The following LARP4B variants were observed in gnomAD, a reference collection of about 807,000 sequenced individuals.
LARP4B encodes the protein la-related protein 4B.
A neutral mutation model predicts 89.8 loss-of-function variants in LARP4B; 12 were observed. That is an observed-to-expected ratio of 0.13 (90% CI 0.09 to 0.22). The LOEUF (loss-of-function observed/expected upper bound fraction) is 0.22, where lower values mean the gene tolerates loss of function less well. Among genes scored for constraint, LARP4B ranks in the 10% least tolerant of loss-of-function variants. The pLI is 1.00. For synonymous variants in LARP4B, 367 were observed against 363.3 expected (o/e 1.01, Z -0.12); for missense variants, 757 against 947.7 (o/e 0.80, Z 2.64).
chr10:842,881 G>C (rs753693261), intron 7 of LARP4B, 51 bp downstream of exon 7: 1 of 1,545,468 alleles, frequency 6.5e-7, no homozygotes, highest in Non-Finnish European at 8.9e-7. Context: ...ATGCTGATAA[G>C]ACAAATACTC....
Position 873,119 on chromosome 10 carries a change from A to G in LARP4B, c.142-8849T>C, listed in dbSNP as rs150341735. The G allele has an allele frequency of 5.1e-6, 5 of 985,408 alleles. No homozygotes were observed. The African/African-American group carries it at 8.7e-5, about 17-fold the overall frequency. The allele number at this position is 985,408 out of a possible 1,614,324, so 61.0% of individuals were successfully genotyped here. On this transcript the variant is annotated intron_variant, in intron 3 of 17. Transcript: ENST00000316157. The stretch of plus-strand genomic sequence containing the variant: ...TTTTTCACTGTCATTGTCACTACTT[A>G]GTTCTCTGCTGAAGCAGCAGCCCAT...
chr10:864,847 A>G (rs66631678), intron 3 of LARP4B, among the ~76,000 whole-genome samples: 23,068 of 151,974 alleles, frequency 0.15, 1,899 homozygotes, highest in Non-Finnish European at 0.19. Context: ...CAGCTACTCG[A>G]GAGGCTGAGG....
At chr10:969,445 A>AATTCTT in the LARP4B span, among the ~76,000 whole-genome samples, 1 of 152,140 alleles carries the variant, frequency 6.6e-6, no homozygotes, top group Admixed American at 6.6e-5. Flanking sequence ...AATTAGGAGA[A>AATTCTT]AAGGCTCGGC....
chr10:821,401 G>A (rs1310990490), intron 13 of LARP4B, among the ~76,000 whole-genome samples: 1 of 152,106 alleles, frequency 6.6e-6, no homozygotes, highest in African/African-American at 2.4e-5. Context: ...TCGCCTCCCA[G>A]CCTCAGGAAC....
At chr10:884,084 T>C (rs1318265481) in intron 3 of LARP4B, among the ~76,000 whole-genome samples, 1 of 152,254 alleles carries the variant, frequency 6.6e-6, no homozygotes, top group African/African-American at 2.4e-5. Flanking sequence ...AAAAGCTTAC[T>C]ATTCAATTTG....
chr10:825,756 G>A lies in LARP4B; in HGVS notation c.1232+8C>T, dbSNP rs769408205. 1 of 1,607,266 alleles carries A rather than the reference G, an allele frequency of 6.2e-7. No homozygotes were observed. The highest frequency in any genetic ancestry group is 1.1e-5 in the South Asian group (1 of 90,496). On this transcript the variant is annotated splice_region_variant and intron_variant, in intron 12 of 17. Coordinates refer to ENST00000316157, the MANE Select transcript of LARP4B (RefSeq NM_015155.3). ...GACCAAAACTGCTAAGACCGCCCCG[G>A]AACTTGCCTGCTTCGAGGAGGATAC...
chr10:908,852 C>T (rs1198828334), intron 1 of LARP4B, among the ~76,000 whole-genome samples: 1 of 152,016 alleles, frequency 6.6e-6, no homozygotes, highest in Non-Finnish European at 1.5e-5. Context: ...GGAGTGCAGG[C>T]TGCAGCACGG....
chr10:976,210 TTAG>T, the LARP4B span, among the ~76,000 whole-genome samples: 1 of 128,232 alleles, frequency 7.8e-6, no homozygotes, highest in Non-Finnish European at 1.6e-5. Context: ...GCGGCCCGGC[TTAG>T]TAGAATGTAG....
intron 7 of LARP4B, among the ~76,000 whole-genome samples, chr10:838,383 T>C (rs1309456637): frequency 6.6e-6 from 1 of 152,148 alleles, no homozygotes; most frequent in Non-Finnish European, 1.5e-5. Context: ...TAAAGGACTG[T>C]TAACATCAAA....
At position 826,060 on chromosome 10, in the gene LARP4B, T is replaced by G. The variant is rs368012246; in HGVS notation, c.1126-190A>C. On this transcript the variant is annotated intron_variant, in intron 11 of 17. Coordinates refer to ENST00000316157, the MANE Select transcript of LARP4B (RefSeq NM_015155.3). ...AGAAGTAGGCTGGAGCTTTTGTGCATCCTTTCAGCCAATCCTTACAACAAT... is the reference window on the plus strand; with the variant it reads ...AGAAGTAGGCTGGAGCTTTTGTGCAGCCTTTCAGCCAATCCTTACAACAAT... Among the ~76,000 whole-genome samples, 11 of 152,368 alleles carry G rather than the reference T, an allele frequency of 7.2e-5. No homozygotes were observed. The East Asian group carries it at 1.7e-3, about 24-fold the overall frequency.
At chr10:890,039 A>G (rs1835971107) in intron 1 of LARP4B, among the ~76,000 whole-genome samples, 1 of 152,232 alleles carries the variant, frequency 6.6e-6, no homozygotes, top group Non-Finnish European at 1.5e-5. Context: ...TGCAAGCTAC[A>G]CTGCTTCCCA....
At chr10:935,397 CCTT>C (rs1483962908), upstream of LARP4B, among the ~76,000 whole-genome samples, 4 of 152,160 alleles carry the variant, frequency 2.6e-5, no homozygotes, top group African/African-American at 9.7e-5. Flanking sequence ...TTGGATGTCT[CCTT>C]CTGGCGGAAT....
intron 1 of LARP4B, among the ~76,000 whole-genome samples, chr10:892,897 G>A (rs1488511831): frequency 3.0e-5 from 4 of 135,112 alleles, no homozygotes; most frequent in African/African-American, 8.3e-5. Context: ...AATTCACCAA[G>A]AGAAATTTTT....
At chr10:910,367 C>T (rs1836635602) in intron 1 of LARP4B, among the ~76,000 whole-genome samples, 2 of 152,180 alleles carry the variant, frequency 1.3e-5, no homozygotes, top group Non-Finnish European at 1.5e-5. Flanking sequence ...TCCTTTTAGG[C>T]TGACATACGT....
At chr10:907,319 A>G (rs576637288) in intron 1 of LARP4B, among the ~76,000 whole-genome samples, 10 of 152,364 alleles carry the variant, frequency 6.6e-5, no homozygotes, top group African/African-American at 2.4e-4. Flanking sequence ...AGAAAATGGG[A>G]TGAGTCCAAA....
chr10:921,056 C>T (rs1050371776), intron 1 of LARP4B, among the ~76,000 whole-genome samples: 16 of 152,018 alleles, frequency 1.1e-4, no homozygotes, highest in African/African-American at 3.9e-4. Flanking sequence ...GGCGGATCAC[C>T]TGAGGTGGGG....
chr10:862,281 A>AAAAAAAG (rs397847739), intron 5 of LARP4B, among the ~76,000 whole-genome samples: 1 of 147,358 alleles, frequency 6.8e-6, no homozygotes, highest in Non-Finnish European at 1.5e-5. Context: ...AAAAAAAAAA[A>AAAAAAAG]CAACCGTCAC....
intron 5 of LARP4B, among the ~76,000 whole-genome samples, chr10:861,078 C>A (rs1834584681): frequency 6.6e-6 from 1 of 152,092 alleles, no homozygotes; most frequent in African/African-American, 2.4e-5. Context: ...ATGGCGTGAA[C>A]CCGGGAGGCG....
intron 5 of LARP4B, among the ~76,000 whole-genome samples, chr10:850,348 T>A (rs897326219): frequency 1.3e-5 from 2 of 152,232 alleles, no homozygotes; most frequent in Non-Finnish European, 2.9e-5. Flanking sequence ...TATACCATAT[T>A]AAGGCTAGTC....
Sources: gnomAD v4.1 joint callset for allele counts (sites outside exome capture counted in the v4.1 genomes callset) on GRCh38, gnomAD v4.1.1 for gene constraint, MANE v1.5 for transcripts, NCBI Gene and HGNC (gene_info 2026-07-23, HGNC 2026-07-21) for gene names.